Variants in FBXW7 observed in about 807,000 individuals in gnomAD.
The protein encoded by FBXW7 is F-box/WD repeat-containing protein 7.
In FBXW7, 11 loss-of-function variants were observed where a neutral mutation model predicts 86.3. That is an observed-to-expected ratio of 0.13 (90% confidence interval 0.08 to 0.21). The LOEUF is 0.21. FBXW7 is among the 10% of genes least tolerant of loss of function. The pLI is 1.00. For synonymous variants in FBXW7, 313 were observed against 297.9 expected (o/e 1.05, Z -0.52); for missense variants, 488 against 847.4 (o/e 0.58, Z 5.27).
chr4:152,350,596 C>T (rs768493898), intron 4 of FBXW7, among the ~76,000 whole-genome samples: 16 of 151,622 alleles, frequency 1.1e-4, no homozygotes, highest in Non-Finnish European at 1.6e-4. Flanking sequence ...CAATTTTAAA[C>T]ACTCATACCA....
chr4:152,344,270 T>C (rs1054029477), intron 6 of FBXW7, among the ~76,000 whole-genome samples: 1 of 152,160 alleles, frequency 6.6e-6, no homozygotes, highest in African/African-American at 2.4e-5. Flanking sequence ...AAGGGCAGTG[T>C]ACAACAATGA....
chr4:152,337,105 A>C (rs1336870499), intron 7 of FBXW7, among the ~76,000 whole-genome samples: 1 of 151,930 alleles, frequency 6.6e-6, no homozygotes, highest in Non-Finnish European at 1.5e-5. Flanking sequence ...CTATATCTAA[A>C]CTATGCCTTA....
At position 152,346,914 on chromosome 4, in the gene FBXW7, T is replaced by C. The variant is rs562939255; in HGVS notation, c.726+16A>G. 15 of 1,610,606 alleles carry C rather than the reference T, an allele frequency of 9.3e-6. No homozygotes were observed. The South Asian group carries it at 1.1e-4, about 12-fold the overall frequency. ...ATTAAGTGAGGCATTTCAAGTACTA[T>C]GTTTAGATATGTCACCTGAAACATT... On this transcript the variant is annotated intron_variant, in intron 6 of 13. Coordinates refer to ENST00000281708, the MANE Select transcript of FBXW7 (RefSeq NM_001349798.2).
At chr4:152,343,653 CTT>C (rs1730962181) in intron 6 of FBXW7, among the ~76,000 whole-genome samples, 2 of 152,030 alleles carry the variant, frequency 1.3e-5, no homozygotes, top group Non-Finnish European at 2.9e-5. Flanking sequence ...TAATTAATGT[CTT>C]TACCCAGTCT....
chr4:152,419,197 T>C (rs889906682), intron 2 of FBXW7, among the ~76,000 whole-genome samples: 3 of 152,198 alleles, frequency 2.0e-5, no homozygotes, highest in Admixed American at 6.5e-5. Context: ...AATCAATTTA[T>C]AATCTTTATT....
At chr4:152,497,951 C>T (rs1017559473) in intron 2 of FBXW7, among the ~76,000 whole-genome samples, 3 of 151,970 alleles carry the variant, frequency 2.0e-5, no homozygotes, top group Non-Finnish European at 4.4e-5. Flanking sequence ...TAGAAAAAAA[C>T]ACAGGTCATC....
At chr4:152,381,307 T>C (rs776869162) in intron 4 of FBXW7, among the ~76,000 whole-genome samples, 44 of 152,028 alleles carry the variant, frequency 2.9e-4, no homozygotes, top group Admixed American at 7.9e-4. Flanking sequence ...AAAAGTACAA[T>C]ACAATTATGT....
At chr4:152,429,466 T>C (rs919774267) in intron 2 of FBXW7, among the ~76,000 whole-genome samples, 2 of 151,218 alleles carry the variant, frequency 1.3e-5, no homozygotes, top group East Asian at 3.9e-4. Context: ...AAAGAGAGAG[T>C]TGTAGTTATC....
chr4:152,493,447 A>C, intron 2 of FBXW7, among the ~76,000 whole-genome samples: 1 of 152,224 alleles, frequency 6.6e-6, no homozygotes, highest in South Asian at 2.1e-4. Flanking sequence ...TTACAGGTGT[A>C]AGCCAATGCG....
At chr4:152,496,302 C>T (rs993515565) in intron 2 of FBXW7, among the ~76,000 whole-genome samples, 10 of 151,304 alleles carry the variant, frequency 6.6e-5, no homozygotes, top group Admixed American at 3.3e-4. Context: ...CTACCAGTAA[C>T]AAAAAGTATT....
At chr4:152,518,188 C>A (rs1315646269) in intron 2 of FBXW7, among the ~76,000 whole-genome samples, 2 of 151,964 alleles carry the variant, frequency 1.3e-5, no homozygotes, top group African/African-American at 4.8e-5. Context: ...AGGGTTTCAC[C>A]ATGCCAGCCA....
At chr4:152,424,552 T>C (rs1739211477) in intron 2 of FBXW7, among the ~76,000 whole-genome samples, 1 of 152,210 alleles carries the variant, frequency 6.6e-6, no homozygotes, top group Non-Finnish European at 1.5e-5. Flanking sequence ...AGAAGTACCC[T>C]GCACCACAGC....
At chr4:152,337,584 T>C (rs1730261479) in intron 7 of FBXW7, 1 of 419,530 alleles carries the variant, frequency 2.4e-6, no homozygotes, top group Non-Finnish European at 4.2e-6. Context: ...ATTCAAATAG[T>C]GGAAAGGAGT....
At chr4:152,443,730 C>G (rs913610013) in intron 2 of FBXW7, among the ~76,000 whole-genome samples, 1 of 152,088 alleles carries the variant, frequency 6.6e-6, no homozygotes, top group Non-Finnish European at 1.5e-5. Context: ...TAAACACACT[C>G]AATAATTAAT....
intron 2 of FBXW7, among the ~76,000 whole-genome samples, chr4:152,497,354 C>A (rs892265525): frequency 7.0e-6 from 1 of 143,598 alleles, no homozygotes; most frequent in African/African-American, 2.6e-5. Flanking sequence ...CACACACACA[C>A]ACACACACAC....
In FBXW7 at chr4:152,411,385, G is replaced by A. The variant is rs912184866; in HGVS notation, c.419C>T (p.Thr140Ile). The A allele has an allele frequency of 6.2e-7, 1 of 1,613,514 alleles. No individual in the cohort carries two copies. Among genetic ancestry groups the A allele is most frequent in the African/African-American group, 1.3e-5 (1 of 74,862 alleles). Residue 140 changes from threonine (T) to isoleucine (I), a missense_variant, in exon 4 of 14, where the codon ACT becomes ATT. Coordinates refer to ENST00000281708, the MANE Select transcript of FBXW7 (RefSeq NM_001349798.2). ...DSSREDEHTH[T>I]NSVTNSSSIV... ...ACTACTGGAGTTCGTGACACTGTTA[G>A]TATGTGTATGTTCATCTTCTCTGCT... is the stretch of plus-strand genomic sequence containing the variant.
At chr4:152,529,822 A>C (rs1579446327) in intron 2 of FBXW7, among the ~76,000 whole-genome samples, 1 of 152,102 alleles carries the variant, frequency 6.6e-6, no homozygotes, top group Admixed American at 6.5e-5. Flanking sequence ...TGGGTGCTAA[A>C]ACACACACAC....
chr4:152,418,127 CCA>C (rs3047865), intron 2 of FBXW7, among the ~76,000 whole-genome samples: 3,181 of 143,356 alleles, frequency 0.022, 25 homozygotes, highest in African/African-American at 0.025. Context: ...ACAGCTCTTA[CCA>C]CACACACACA....
At chr4:152,529,800 G>C (rs1020238429) in intron 2 of FBXW7, among the ~76,000 whole-genome samples, 3 of 151,954 alleles carry the variant, frequency 2.0e-5, no homozygotes, top group African/African-American at 7.3e-5. Context: ...CATGGCCTTT[G>C]GGGTTACCTG....
Sources: gnomAD v4.1 joint callset for allele counts (sites outside exome capture counted in the v4.1 genomes callset) on GRCh38, gnomAD v4.1.1 for gene constraint, MANE v1.5 for transcripts, NCBI Gene and HGNC (gene_info 2026-07-23, HGNC 2026-07-21) for gene names.